The following RIC8A variants were observed in gnomAD, a reference collection of about 807,000 sequenced individuals.
The protein encoded by RIC8A is RIC8 guanine nucleotide exchange factor A, also known as chaperone Ric-8A.
In RIC8A, 37 loss-of-function variants were observed where a neutral mutation model predicts 48.4. The ratio of observed to expected loss-of-function variants is 0.77; its 90% CI spans 0.59 to 1.01. The LOEUF is 1.01. Ranked by LOEUF, RIC8A falls within the 50% of genes least tolerant of loss-of-function variation. The probability of loss-of-function intolerance (pLI) is 0.00; values close to 1 mark genes in which losing one functional copy is unlikely to be tolerated. For synonymous variants in RIC8A, 288 were observed against 283.4 expected (o/e 1.02, Z -0.16); for missense variants, 681 against 696.8 (o/e 0.98, Z 0.25).
In RIC8A at chr11:212,395, G is replaced by A; in HGVS notation, c.970-21G>A. ...CAAGTTAGGCAGGGGCATAGCCCCA[G>A]TGACAGAGAATCCTCTACAGACACA... is the stretch of plus-strand genomic sequence containing the variant. On this transcript the variant is annotated intron_variant, in intron 5 of 9. Transcript: ENST00000526104. The A allele has an allele frequency of 1.9e-6, 3 of 1,611,392 alleles. No individual in the cohort carries two copies. In the South Asian group the frequency reaches 3.3e-5, roughly 18 times the overall value.
chr11:213,615 CT>C, intron 9 of RIC8A, 197 bp downstream of exon 9: 1 of 629,734 alleles, frequency 1.6e-6, no homozygotes, highest in Non-Finnish European at 2.6e-6. Context: ...TATTGTGCCC[CT>C]TTTACAGATG....
At position 213,984 on chromosome 11, in the gene RIC8A, A is replaced by C. The variant is rs551102590; in HGVS notation, c.1476-246A>C. Among the ~76,000 whole-genome samples, 75 of 152,154 alleles carry C rather than the reference A, an allele frequency of 4.9e-4. 1 individual carries two copies. The highest frequency in any genetic ancestry group is 9.2e-4 in the Admixed American group (14 of 15,296). ...AGACTAATGTCGCCAGATTTATTGG[A>C]GATGGCCCAGTGTCCAAATTAAGAG... On this transcript the variant is annotated intron_variant, in intron 9 of 9. Transcript: ENST00000526104.
rs750432679 is a variant in RIC8A, at chr11:213,395, G to A, written c.1452G>A (p.Val484=). 1.9e-6 allele frequency: 3 copies of A among 1,596,908 alleles called. 1 individual carries two copies. Among genetic ancestry groups the A allele is most frequent in the African/African-American group, 1.3e-5 (1 of 74,646 alleles). ...EQKEHEAMKL[V]TMFDKLSRNR... ...AGGAGCACGAGGCCATGAAGCTGGT[G>A]ACCATGTTTGACAAGCTCTCCAGGT... is the stretch of plus-strand genomic sequence containing the variant. Residue 484 remains valine, a synonymous_variant, in exon 9 of 10, where the codon GTG becomes GTA. Transcript: ENST00000526104.
rs759687352 is a variant in RIC8A, at chr11:212,560, G to C, written c.1065+49G>C. ...TCCTGGGGGATGTGGTTTCGGCCCTGATCACAGACCCTTGGCTGCTCTAAG... is the reference window on the plus strand; with the variant it reads ...TCCTGGGGGATGTGGTTTCGGCCCTCATCACAGACCCTTGGCTGCTCTAAG... On this transcript the variant is annotated intron_variant, in intron 6 of 9. Coordinates refer to ENST00000526104, the MANE Select transcript of RIC8A (RefSeq NM_001286134.2). 3.7e-5 allele frequency: 59 copies of C among 1,612,800 alleles called. No individual in the cohort carries two copies. The Middle Eastern group carries it at 1.2e-3, about 31-fold the overall frequency.
rs976636632 is a variant in RIC8A at position 208,023 on chromosome 11, G to C, written c.-832G>C. 1 of 152,356 alleles carries C rather than the reference G, an allele frequency of 6.6e-6. No homozygotes were observed. The highest frequency in any genetic ancestry group is 1.5e-5 in the Non-Finnish European group (1 of 68,064). 9.4% of individuals were successfully genotyped at this position (152,356 alleles called of 1,614,324 possible). On this transcript the variant is annotated 5_prime_UTR_variant, in exon 1 of 10. Coordinates refer to ENST00000526104, the MANE Select transcript of RIC8A (RefSeq NM_001286134.2). This position sits in a 1 kb window ranked among gnomAD's most constrained non-coding sequence, Gnocchi z 4.8. ...CGCCTTTGCTCCCGGGCACTTGTTA[G>C]AAGAGCGAGTGGATCGCGCTTCCTG...
chr11:214,501 T>TGTTCCTGTCCTGTCTTCACTGAGCG lies in RIC8A; in HGVS notation c.*151_*152insGTTCCTGTCCTGTCTTCACTGAGCG. 3 of 950,188 alleles carry TGTTCCTGTCCTGTCTTCACTGAGCG rather than the reference T, an allele frequency of 3.2e-6. No individual in the cohort carries two copies. The highest frequency in any genetic ancestry group is 4.9e-6 in the Non-Finnish European group (3 of 611,848). The allele number at this position is 950,188 out of a possible 1,614,324, so 58.9% of individuals were successfully genotyped here. On this transcript the variant is annotated 3_prime_UTR_variant, in exon 10 of 10. Transcript: ENST00000526104. ...CCCCTTCTCTTGACTCCCGTTCTGT[T>TGTTCCTGTCCTGTCTTCACTGAGCG]CATGATTTGCCTCTGGTCCAGTTTC...
In RIC8A at chr11:211,536, G is replaced by A. The variant is rs1855357085; in HGVS notation, c.969+187G>A. On this transcript the variant is annotated intron_variant, in intron 5 of 9. Coordinates refer to ENST00000526104, the MANE Select transcript of RIC8A (RefSeq NM_001286134.2). This position sits in a 1 kb window ranked among gnomAD's most constrained non-coding sequence, Gnocchi z 4.0. ...AAGAAGCCAGACCCTTCCTCCATGAGAAGCATGTGGACACCTTCCACACAC... is the reference window on the plus strand; with the variant it reads ...AAGAAGCCAGACCCTTCCTCCATGAAAAGCATGTGGACACCTTCCACACAC... The A allele has an allele frequency of 1.7e-6, 1 of 573,506 alleles. No individual in the cohort carries two copies. Among genetic ancestry groups the A allele is most frequent in the Non-Finnish European group, 3.0e-6 (1 of 333,324 alleles). 35.5% of individuals were successfully genotyped at this position (573,506 alleles called of 1,614,324 possible). A position where few individuals can be genotyped will look rare whatever the true frequency, so the allele number is the denominator to read the frequency against.
intron 8 of RIC8A, 118 bp from the exon 9 acceptor site, chr11:213,180 AG>A: frequency 6.8e-7 from 1 of 1,476,060 alleles, no homozygotes; most frequent in Non-Finnish European, 9.2e-7. Flanking sequence ...CCGCTTCTGG[AG>A]GGAGGCCTCT....
Position 212,603 on chromosome 11 carries a change from CCA to C in RIC8A, c.1066-10_1066-9del, listed in dbSNP as rs1855390585. ...GCTCTAAGCCCAAGCTTAGGGATGG[CCA>C]CCTCCCCAGGTGCTGCCCCCTCTGC... On this transcript the variant is annotated splice_polypyrimidine_tract_variant and intron_variant, in intron 6 of 9. Coordinates refer to ENST00000526104, the MANE Select transcript of RIC8A (RefSeq NM_001286134.2). 1.9e-6 allele frequency: 3 copies of C among 1,613,380 alleles called. No homozygotes were observed. The African/African-American group carries it at 4.0e-5, about 22-fold the overall frequency.
intron 3 of RIC8A, 118 bp from the exon 4 acceptor site, chr11:210,453 G>C (rs768008923): frequency 1.0e-6 from 1 of 980,014 alleles, no homozygotes; most frequent in Non-Finnish European, 1.7e-6. Context: ...CAGGTATGCA[G>C]TACAGGAGGT....
intron 8 of RIC8A, 146 bp from the exon 9 acceptor site, chr11:213,153 G>T: frequency 7.3e-7 from 1 of 1,377,248 alleles, no homozygotes; most frequent in East Asian, 2.5e-5. Context: ...GCAGATGGCA[G>T]GAGCTGGTTA....
Position 214,545 on chromosome 11 carries a change from G to C in RIC8A, c.*195G>C, listed in dbSNP as rs907413301. On this transcript the variant is annotated 3_prime_UTR_variant, in exon 10 of 10. Transcript: ENST00000526104. ...CAGTTTCTCATCTCTGGACTGCAAC[G>C]GTCTTCTTGTGCTAGAACTCAGGCT... is the stretch of plus-strand genomic sequence containing the variant. 15 of 706,678 alleles carry C rather than the reference G, an allele frequency of 2.1e-5. No individual in the cohort carries two copies. In the Admixed American group the frequency reaches 2.9e-4, roughly 14 times the overall value. The allele number at this position is 706,678 out of a possible 1,614,324, so 43.8% of individuals were successfully genotyped here.
Position 211,017 on chromosome 11 carries a change from C to T in RIC8A, c.819-182C>T. ...GTGCCCCCACTTCCCCAGGGGACCCCACTGTACAGCTGAGTGGCAGTGCCT... is the reference window on the plus strand; with the variant it reads ...GTGCCCCCACTTCCCCAGGGGACCCTACTGTACAGCTGAGTGGCAGTGCCT... On this transcript the variant is annotated intron_variant, in intron 4 of 9. Transcript: ENST00000526104. The surrounding 1 kb of genome is among the most constrained non-coding windows in gnomAD (Gnocchi z 4.0). The T allele has an allele frequency of 1.5e-6, 1 of 656,004 alleles. No individual in the cohort carries two copies. The highest frequency in any genetic ancestry group is 3.4e-4 in the Middle Eastern group (1 of 2,912). The allele number at this position is 656,004 out of a possible 1,614,324, so 40.6% of individuals were successfully genotyped here. A position where few individuals can be genotyped will look rare whatever the true frequency, so the allele number is the denominator to read the frequency against.
In RIC8A at chr11:209,871, G is replaced by C. The variant is rs763968936; in HGVS notation, c.597G>C (p.Thr199=). The C allele has an allele frequency of 2.5e-6, 4 of 1,609,650 alleles. No individual in the cohort carries two copies. The highest frequency in any genetic ancestry group is 3.4e-6 in the Non-Finnish European group (4 of 1,179,334). The change falls in exon 3 of 10, where the codon ACG becomes ACC. Residue 199 remains threonine (T), a synonymous_variant. Coordinates refer to ENST00000526104, the MANE Select transcript of RIC8A (RefSeq NM_001286134.2). ...VRLLTDTLEL[T]LGVTPEGNPP... ...TGCTAACTGACACACTGGAGCTGAC[G>C]CTGGGGGTGACTCCTGAAGGGAACC...
At chr11:213,247 T>C in intron 8 of RIC8A, 52 bp from the exon 9 acceptor site, 1 of 1,605,076 alleles carries the variant, frequency 6.2e-7, no homozygotes, top group East Asian at 2.2e-5. Flanking sequence ...GCTTGCCTCC[T>C]GTCCTGGAGA....
At chr11:210,412 C>G in intron 3 of RIC8A, 159 bp from the exon 4 acceptor site, 1 of 772,248 alleles carries the variant, frequency 1.3e-6, no homozygotes, top group Non-Finnish European at 2.3e-6. Flanking sequence ...CCCAGCACTA[C>G]CCAGAGTCAC....
rs1855506709 is a variant in RIC8A at position 214,965 on chromosome 11, T to C, written c.*615T>C. 5.9e-6 allele frequency: 1 copy of C among 170,686 alleles called. No individual in the cohort carries two copies. The highest frequency in any genetic ancestry group is 2.4e-5 in the African/African-American group (1 of 41,552). 10.6% of individuals were successfully genotyped at this position (170,686 alleles called of 1,614,324 possible). ...CACAGTGCCCGAGTTCTCGCTGGTTTTGGCAATTAAACCTCCTTCCTACTG... is the reference window on the plus strand; with the variant it reads ...CACAGTGCCCGAGTTCTCGCTGGTTCTGGCAATTAAACCTCCTTCCTACTG... On this transcript the variant is annotated 3_prime_UTR_variant, in exon 10 of 10. Coordinates refer to ENST00000526104, the MANE Select transcript of RIC8A (RefSeq NM_001286134.2).
rs768341229 is a variant in RIC8A, at chr11:208,963, G to T, written c.84+25G>T. 4 of 1,568,850 alleles carry T rather than the reference G, an allele frequency of 2.5e-6. No individual in the cohort carries two copies. The highest frequency in any genetic ancestry group is 3.5e-6 in the Non-Finnish European group (4 of 1,152,200). On this transcript the variant is annotated intron_variant, in intron 1 of 9. Coordinates refer to ENST00000526104, the MANE Select transcript of RIC8A (RefSeq NM_001286134.2). The surrounding 1 kb of genome is among the most constrained non-coding windows in gnomAD (Gnocchi z 4.8). ...GGTAAGCGGCCGCCTGAGGCCGGGG[G>T]GCGGGCACGGAGGGGGTGGGGCAGG... is the stretch of plus-strand genomic sequence containing the variant.
chr11:210,417 A>C (rs760464140), intron 3 of RIC8A, 154 bp from the exon 4 acceptor site: 1 of 784,242 alleles, frequency 1.3e-6, no homozygotes, highest in Non-Finnish European at 2.3e-6. Context: ...CACTACCCAG[A>C]GTCACCTAGG....
Sources: gnomAD v4.1 joint callset for allele counts (sites outside exome capture counted in the v4.1 genomes callset) on GRCh38, gnomAD v4.1.1 for gene constraint, Gnocchi (gnomAD v3.1) non-coding constraint, MANE v1.5 for transcripts, NCBI Gene and HGNC (gene_info 2026-07-23, HGNC 2026-07-21) for gene names.